Variants in RPL30 observed in about 807,000 individuals in gnomAD.
RPL30 encodes large ribosomal subunit protein eL30.
For synonymous variants in RPL30, 40 were observed against 50.4 expected, an observed-to-expected ratio of 0.79 and a Z score of 0.87; for missense variants, 60 against 138.0, an observed-to-expected ratio of 0.43 and a Z score of 2.83.
intron 3 of RPL30, 72 bp downstream of exon 3, chr8:98,044,871 A>G (rs922105750): frequency 8.7e-6 from 13 of 1,489,452 alleles, no homozygotes; most frequent in Non-Finnish European, 9.2e-6. Context: ...CTCAGATTAC[A>G]AGTTTACACT....
chr8:98,045,309 A>G, intron 2 of RPL30, 38 bp downstream of exon 2: 1 of 1,613,846 alleles, frequency 6.2e-7, no homozygotes, highest in Non-Finnish European at 8.5e-7. Flanking sequence ...ACATCTCTCC[A>G]CGTGAATCGT....
intron 4 of RPL30, 76 bp downstream of exon 4, chr8:98,042,569 G>A (rs570263268): frequency 1.7e-5 from 23 of 1,348,436 alleles, no homozygotes; most frequent in African/African-American, 8.9e-5. Flanking sequence ...AGACATTTGC[G>A]TAGTAAGAAA....
At chr8:98,045,250 C>G in intron 2 of RPL30, 97 bp downstream of exon 2, 1 of 1,576,566 alleles carries the variant, frequency 6.3e-7, no homozygotes, top group East Asian at 2.2e-5. Flanking sequence ...CAAATGCCAG[C>G]AGGCATGCTG....
At chr8:98,042,930 A>G (rs1197561907) in intron 3 of RPL30, 155 bp from the exon 4 acceptor site, 10 of 648,052 alleles carry the variant, frequency 1.5e-5, no homozygotes, top group South Asian at 2.4e-5. Flanking sequence ...TCATTATCCA[A>G]TACAAACCAA....
chr8:98,044,304 G>A (rs1292584796), intron 3 of RPL30: 1 of 152,272 alleles, frequency 6.6e-6, no homozygotes, highest in African/African-American at 2.4e-5. Flanking sequence ...AAGACAGAAA[G>A]GGCCCTCCAG....
intron 2 of RPL30, 108 bp from the exon 3 acceptor site, chr8:98,045,196 C>T (rs1207885338): frequency 6.5e-7 from 1 of 1,547,328 alleles, no homozygotes; most frequent in African/African-American, 1.4e-5. Context: ...AGTCGAGGAC[C>T]CCAAGTCATT....
chr8:98,045,247 C>T (rs776261510), intron 2 of RPL30, 100 bp downstream of exon 2: 62 of 1,577,162 alleles, frequency 3.9e-5, no homozygotes, highest in Admixed American at 5.0e-5. Context: ...CTCCAAATGC[C>T]AGCAGGCATG....
chr8:98,045,437 C>T lies in RPL30; in HGVS notation c.-32-38G>A, dbSNP rs1391811005. 6 of 1,599,340 alleles carry T rather than the reference C, an allele frequency of 3.8e-6. No individual in the cohort carries two copies. The African/African-American group carries it at 6.7e-5, about 18-fold the overall frequency. On this transcript the variant is annotated intron_variant, in intron 1 of 4. Transcript: ENST00000287038. The stretch of plus-strand genomic sequence containing the variant: ...GAGAACAGGACAGGAATTTTAGGAT[C>T]CGGAGTTACAAATGGCAACCCGCAA...
intron 1 of RPL30, 23 bp downstream of exon 1, chr8:98,045,485 T>G (rs1345634094): frequency 2.4e-6 from 3 of 1,258,848 alleles, no homozygotes; most frequent in South Asian, 1.2e-5. Context: ...TGCCTAAACC[T>G]CGGTCGGTAG....
chr8:98,045,168 A>C, intron 2 of RPL30, 80 bp from the exon 3 acceptor site: 5 of 1,570,710 alleles, frequency 3.2e-6, no homozygotes, highest in East Asian at 2.2e-5. Flanking sequence ...TTTGAAGCCG[A>C]GCCCCTTAAA....
intron 4 of RPL30, 66 bp downstream of exon 4, chr8:98,042,579 A>G (rs1316884909): frequency 2.8e-6 from 4 of 1,443,368 alleles, no homozygotes; most frequent in African/African-American, 1.4e-5. Context: ...GTAGTAAGAA[A>G]TACTTGTCCA....
At chr8:98,042,264 A>AT (rs1162843396) in intron 4 of RPL30, 1 of 506,042 alleles carries the variant, frequency 2.0e-6, no homozygotes, top group Admixed American at 2.4e-5. Flanking sequence ...AATGATGTAG[A>AT]TTTTTTGGCA....
rs777764208 is a variant in RPL30, at chr8:98,045,399, C to A, written c.-32G>T. 2.5e-6 allele frequency: 4 copies of A among 1,613,986 alleles called. No individual in the cohort carries two copies. The South Asian group carries it at 4.4e-5, about 18-fold the overall frequency. ...GCCTTAGGAGCGGGACGGCCCCCAA[C>A]CTAGAAGAGACAGAGAACAGGACAG... On this transcript the variant is annotated splice_region_variant and 5_prime_UTR_variant, in exon 2 of 5. Transcript: ENST00000287038.
Position 98,045,538 on chromosome 8 carries a change from G to A in RPL30, c.-63C>T. ...GCAGCCGCTAAGATGGCCGGGGAAC[G>A]AGAAAGGAAAGACTTCCCACAATGC... On this transcript the variant is annotated 5_prime_UTR_variant, in exon 1 of 5. Transcript: ENST00000287038. 1 of 654,286 alleles carries A rather than the reference G, an allele frequency of 1.5e-6. No individual in the cohort carries two copies. Among genetic ancestry groups the A allele is most frequent in the Non-Finnish European group, 2.7e-6 (1 of 371,606 alleles). 40.5% of individuals were successfully genotyped at this position (654,286 alleles called of 1,614,324 possible).
At chr8:98,042,275 CTT>C in intron 4 of RPL30, 2 of 455,482 alleles carry the variant, frequency 4.4e-6, no homozygotes, top group South Asian at 1.8e-5. Context: ...TTTTTTGGCA[CTT>C]TTTTTTTTCT....
chr8:98,041,948 A>C (rs1458452462), intron 4 of RPL30, 98 bp from the exon 5 acceptor site: 11 of 884,696 alleles, frequency 1.2e-5, no homozygotes, highest in Non-Finnish European at 1.6e-5. Context: ...TTCTGTAGAC[A>C]ATGGTCTGCA....
chr8:98,044,061 G>A (rs1586186987), intron 3 of RPL30: 1 of 152,480 alleles, frequency 6.6e-6, no homozygotes, highest in Admixed American at 6.5e-5. Flanking sequence ...AGTGAGCTTA[G>A]ATTGTGCCAT....
rs755106560 is a variant in RPL30 at position 98,045,370 on chromosome 8, T to C, written c.-3A>G. 4.3e-6 allele frequency: 7 copies of C among 1,613,980 alleles called. No homozygotes were observed. Among genetic ancestry groups the C allele is most frequent in the Non-Finnish European group, 5.9e-6 (7 of 1,180,016 alleles). The stretch of plus-strand genomic sequence containing the variant: ...ACCGTCTTCTTTGCGGCCACCATCT[T>C]CCTGCCTTAGGAGCGGGACGGCCCC... On this transcript the variant is annotated 5_prime_UTR_variant, in exon 2 of 5. Transcript: ENST00000287038.
intron 4 of RPL30, 80 bp from the exon 5 acceptor site, chr8:98,041,930 G>A: frequency 1.9e-6 from 2 of 1,052,064 alleles, no homozygotes; most frequent in Non-Finnish European, 2.9e-6. Context: ...TCTACCTTTG[G>A]TTATCCCTTC....
Sources: allele counts gnomAD v4.1 joint callset, GRCh38; gene constraint gnomAD v4.1.1; transcripts MANE v1.5; gene names NCBI Gene and HGNC (gene_info 2026-07-23, HGNC 2026-07-21).